ARHGEF25: variants seen among roughly 807,000 people sequenced by gnomAD.
ARHGEF25 encodes Rho guanine nucleotide exchange factor 25, also known as RAC/CDC42 exchange factor.
In ARHGEF25, 42 loss-of-function variants were observed where a neutral mutation model predicts 74.0. The ratio of observed to expected loss-of-function variants is 0.57; its 90% CI spans 0.44 to 0.73. The LOEUF (loss-of-function observed/expected upper bound fraction) is 0.73. ARHGEF25 is among the 30% of genes least tolerant of loss of function. ARHGEF25 has a pLI of 0.00. For synonymous variants in ARHGEF25, 293 were observed against 278.6 expected (o/e 1.05, Z -0.51); for missense variants, 645 against 725.5 (o/e 0.89, Z 1.27).
chr12:57,612,228 GA>G (rs1257616587), intron 1 of ARHGEF25: 2 of 297,626 alleles, frequency 6.7e-6, no homozygotes, highest in East Asian at 1.1e-4. Flanking sequence ...ATGGGTTTGA[GA>G]AAAACCCACC....
chr12:57,614,348 T>C lies in ARHGEF25; in HGVS notation c.674T>C (p.Leu225Pro). Reference sequence around the variant, plus strand: ...CCCTCCAGCTATTTCTTGCAAGAGCTACAACGGTGTCTGAAAGATCCTGAT... The same window carrying C: ...CCCTCCAGCTATTTCTTGCAAGAGCCACAACGGTGTCTGAAAGATCCTGAT... ...EWHRDYFLQELQRCLKDPDWL... is the reference protein window; with the variant it reads ...EWHRDYFLQEPQRCLKDPDWL... Residue 225 changes from leucine (L) to proline (P), a missense_variant, in exon 7 of 15, where the codon CTA (leucine) becomes CCA (proline). Leu to Pro is a moderately conservative substitution (Grantham distance 98). Coordinates refer to ENST00000286494, the MANE Select transcript of ARHGEF25 (RefSeq NM_182947.4). The surrounding 1 kb of genome is among the most constrained non-coding windows in gnomAD (Gnocchi z 4.6). 2 of 1,614,130 alleles carry C rather than the reference T, an allele frequency of 1.2e-6. No homozygotes were observed. The highest frequency in any genetic ancestry group is 1.7e-6 in the Non-Finnish European group (2 of 1,180,018).
At position 57,617,005 on chromosome 12, in the gene ARHGEF25, G is replaced by T; in HGVS notation, c.*111G>T. 1.2e-6 allele frequency: 1 copy of T among 854,928 alleles called. No individual in the cohort carries two copies. Among genetic ancestry groups the T allele is most frequent in the Non-Finnish European group, 1.9e-6 (1 of 535,186 alleles). The allele number at this position is 854,928 out of a possible 1,614,324, so 53.0% of individuals were successfully genotyped here. A position where few individuals can be genotyped will look rare whatever the true frequency, so the allele number is the denominator to read the frequency against. ...TTCCTCCTTCTTGGTGTGTCTGGAG[G>T]GTGGGCAAGGCTGGGAGGGATATCA... On this transcript the variant is annotated 3_prime_UTR_variant, in exon 15 of 15. Transcript: ENST00000286494.
intron 5 of ARHGEF25, 121 bp from the exon 6 acceptor site, chr12:57,613,895 G>T (rs7305391): frequency 5.5e-6 from 8 of 1,465,482 alleles, no homozygotes; most frequent in Non-Finnish European, 5.7e-6. Flanking sequence ...TACTCTGGGG[G>T]CAGGGCGGCT....
At chr12:57,610,854 T>C (rs1303991971), upstream of ARHGEF25, among the ~76,000 whole-genome samples, 1 of 152,156 alleles carries the variant, frequency 6.6e-6, no homozygotes, top group Non-Finnish European at 1.5e-5. Context: ...GTGTCCCCCA[T>C]CCCAGTCGAT....
chr12:57,616,532 A>G, intron 14 of ARHGEF25, 37 bp downstream of exon 14: 1 of 1,588,638 alleles, frequency 6.3e-7, no homozygotes. Context: ...TAGGGATAAA[A>G]AGGGGAGAGC....
chr12:57,612,782 T>A, intron 1 of ARHGEF25, 148 bp from the exon 2 acceptor site: 1 of 1,489,354 alleles, frequency 6.7e-7, no homozygotes, highest in South Asian at 1.4e-5. Flanking sequence ...TTTTCTATCC[T>A]GGCCAACTCA....
At position 57,615,926 on chromosome 12, in the gene ARHGEF25, C is replaced by T. The variant is rs554555945; in HGVS notation, c.1329C>T (p.Arg443=). The T allele has an allele frequency of 6.2e-7, 1 of 1,614,194 alleles. No individual in the cohort carries two copies. Among genetic ancestry groups the T allele is most frequent in the African/African-American group, 1.3e-5 (1 of 75,062 alleles). Residue 443 remains arginine (R), a synonymous_variant, in exon 13 of 15, where the codon CGC becomes CGT. Transcript: ENST00000286494. ...TSRGPEGGIQ[R]YVLQAADPAI... ...GAGGGCCAGAGGGTGGGATCCAGCGCTATGTCCTGCAGGCTGCAGACCCTG... is the reference window on the plus strand; with the variant it reads ...GAGGGCCAGAGGGTGGGATCCAGCGTTATGTCCTGCAGGCTGCAGACCCTG...
In ARHGEF25 at chr12:57,611,595, C is replaced by T. The variant is rs1884044420; in HGVS notation, c.-300C>T. 7 of 1,016,150 alleles carry T rather than the reference C, an allele frequency of 6.9e-6. No individual in the cohort carries two copies. The highest frequency in any genetic ancestry group is 3.4e-5 in the African/African-American group (2 of 58,328). The allele number at this position is 1,016,150 out of a possible 1,614,324, so 62.9% of individuals were successfully genotyped here. The stretch of plus-strand genomic sequence containing the variant: ...CCCAGCCTCCCCTACCATCCCTCCC[C>T]CTTCCACTGGACATCTGGACCCTAG... On this transcript the variant is annotated 5_prime_UTR_variant, in exon 1 of 15. Transcript: ENST00000286494. The surrounding 1 kb of genome is among the most constrained non-coding windows in gnomAD (Gnocchi z 4.5).
Position 57,611,755 on chromosome 12 carries a change from CCCCTCCCT to C in ARHGEF25, c.-136_-129del. ...CTACCCCTGGACACCTCCTCCCGGT[CCCCTCCCT>C]CCCCCCCTCCCACAGCCTGGACCGG... On this transcript the variant is annotated 5_prime_UTR_variant, in exon 1 of 15. Coordinates refer to ENST00000286494, the MANE Select transcript of ARHGEF25 (RefSeq NM_182947.4). The surrounding 1 kb of genome is among the most constrained non-coding windows in gnomAD (Gnocchi z 4.5). 1 of 1,165,800 alleles carries C rather than the reference CCCCTCCCT, an allele frequency of 8.6e-7. No homozygotes were observed. The highest frequency in any genetic ancestry group is 1.1e-6 in the Non-Finnish European group (1 of 935,392). 72.2% of individuals were successfully genotyped at this position (1,165,800 alleles called of 1,614,324 possible).
At chr12:57,616,623 C>A in intron 14 of ARHGEF25, 128 bp downstream of exon 14, 1 of 1,008,776 alleles carries the variant, frequency 9.9e-7, no homozygotes, top group South Asian at 1.6e-5. Context: ...CCATCCCTTA[C>A]GCTTCTCCCC....
chr12:57,611,847 C>T lies in ARHGEF25; in HGVS notation c.-48C>T, dbSNP rs1281086299. ...GTCCCCGCCCCGCCCCCCGTGATTC[C>T]CCCTGCATGGCCGGCCCGGGTGGGG... On this transcript the variant is annotated 5_prime_UTR_variant, in exon 1 of 15. Coordinates refer to ENST00000286494, the MANE Select transcript of ARHGEF25 (RefSeq NM_182947.4). This position sits in a 1 kb window ranked among gnomAD's most constrained non-coding sequence, Gnocchi z 4.5. 1.6e-6 allele frequency: 2 copies of T among 1,212,804 alleles called. No homozygotes were observed. Among genetic ancestry groups the T allele is most frequent in the East Asian group, 3.1e-5 (1 of 32,768 alleles). 75.1% of individuals were successfully genotyped at this position (1,212,804 alleles called of 1,614,324 possible). A position where few individuals can be genotyped will look rare whatever the true frequency, so the allele number is the denominator to read the frequency against.
chr12:57,614,633 A>G lies in ARHGEF25; in HGVS notation c.816+28A>G. 1 of 1,613,950 alleles carries G rather than the reference A, an allele frequency of 6.2e-7. No homozygotes were observed. Among genetic ancestry groups the G allele is most frequent in the African/African-American group, 1.3e-5 (1 of 74,996 alleles). ...CAGTAGCTGAGATGTCTTGGTGGGA[A>G]GGAGGACAGAACTGGGGCTTTCCAG... On this transcript the variant is annotated intron_variant, in intron 8 of 14. Transcript: ENST00000286494. This position sits in a 1 kb window ranked among gnomAD's most constrained non-coding sequence, Gnocchi z 4.6.
At position 57,615,996 on chromosome 12, in the gene ARHGEF25, A is replaced by G; in HGVS notation, c.1399A>G (p.Ser467Gly). 1 of 1,612,624 alleles carries G rather than the reference A, an allele frequency of 6.2e-7. No individual in the cohort carries two copies. The highest frequency in any genetic ancestry group is 8.5e-7 in the Non-Finnish European group (1 of 1,179,080). ...CAAGCATGTGGCTCAGATCTTGGAG[A>G]GCCAACGGGACTTCCTCAACGGTGA... ...WIKHVAQILE[S>G]QRDFLNALQS... The change falls in exon 13 of 15, where the codon AGC (serine) becomes GGC (glycine). Residue 467 changes from serine (S) to glycine (G), a missense_variant. Ser to Gly is a moderately conservative substitution (Grantham distance 56). Around this residue, in one of 3 missense-constraint regions of ARHGEF25, gnomAD observed 262 missense variants for 256.9 expected, o/e 1.02. Coordinates refer to ENST00000286494, the MANE Select transcript of ARHGEF25 (RefSeq NM_182947.4).
rs189229272 is a variant in ARHGEF25 at position 57,615,973 on chromosome 12, A to G, written c.1376A>G (p.Lys459Arg). Residue 459 changes from lysine to arginine, a missense_variant, in exon 13 of 15, where the codon AAG becomes AGG. Transcript: ENST00000286494. Reference sequence around the variant, plus strand: ...CCTGCTATCAGTCAGGCCTGGATCAAGCATGTGGCTCAGATCTTGGAGAGC... The same window carrying G: ...CCTGCTATCAGTCAGGCCTGGATCAGGCATGTGGCTCAGATCTTGGAGAGC... ...ADPAISQAWI[K>R]HVAQILESQR... 21 of 1,614,006 alleles carry G rather than the reference A, an allele frequency of 1.3e-5. No homozygotes were observed. In the African/African-American group the frequency reaches 1.9e-4, roughly 14 times the overall value.
Position 57,613,437 on chromosome 12 carries a change from C to T in ARHGEF25, c.409-3C>T. The T allele has an allele frequency of 6.2e-7, 1 of 1,614,200 alleles. No homozygotes were observed. On this transcript the variant is annotated splice_region_variant and splice_polypyrimidine_tract_variant and intron_variant, in intron 3 of 14. Transcript: ENST00000286494. ...CTCACCCTAGGATGTTCTTTCCTTCCAGCCACCTGAAGAGGAGACTTTGTC... is the reference window on the plus strand; with the variant it reads ...CTCACCCTAGGATGTTCTTTCCTTCTAGCCACCTGAAGAGGAGACTTTGTC...
Position 57,613,305 on chromosome 12 carries a change from G to A in ARHGEF25, c.354G>A (p.Leu118=). ...CAGCTCTAGCCACAGGAGAGGAGCT[G>A]CCGGAACTGACCTTGCTGACCACAC... ...LEPALATGEE[L]PELTLLTTLL... Residue 118 remains leucine (L), a synonymous_variant, in exon 3 of 15, where the codon CTG becomes CTA. Transcript: ENST00000286494. 6.2e-7 allele frequency: 1 copy of A among 1,614,262 alleles called. No homozygotes were observed. The highest frequency in any genetic ancestry group is 8.5e-7 in the Non-Finnish European group (1 of 1,180,046).
At chr12:57,615,192 T>C in intron 10 of ARHGEF25, 45 bp from the exon 11 acceptor site, 1 of 1,568,314 alleles carries the variant, frequency 6.4e-7, no homozygotes, top group Non-Finnish European at 8.6e-7. Context: ...TTCCCAATAA[T>C]GACTCTCTTC....
At chr12:57,612,566 T>C (rs1452839896) in intron 1 of ARHGEF25, 1 of 324,124 alleles carries the variant, frequency 3.1e-6, no homozygotes, top group African/African-American at 2.2e-5. Context: ...TCCCAGAGAA[T>C]GGTCTGTACC....
At position 57,613,671 on chromosome 12, in the gene ARHGEF25, GCCT is replaced by G. The variant is rs761664288; in HGVS notation, c.486-16_486-14del. The G allele has an allele frequency of 9.9e-6, 16 of 1,613,546 alleles. No homozygotes were observed. Among genetic ancestry groups the G allele is most frequent in the Middle Eastern group, 3.3e-4 (2 of 6,062 alleles). On this transcript the variant is annotated intron_variant, in intron 4 of 14. Transcript: ENST00000286494. ...GATGAGCTCCGACGCTGAAGTGGGG[GCCT>G]CCTCCTGCTTTCATCCTAGGTATGT...
Sources: allele counts gnomAD v4.1 joint callset (sites outside exome capture counted in the v4.1 genomes callset), GRCh38; gene constraint gnomAD v4.1.1; regional missense constraint gnomAD v4.1.1; non-coding constraint Gnocchi (gnomAD v3.1); transcripts MANE v1.5; gene names NCBI Gene and HGNC (gene_info 2026-07-23, HGNC 2026-07-21).